CCDC117: variants seen among roughly 807,000 people sequenced by gnomAD.
CCDC117 encodes the protein coiled-coil domain-containing protein 117.
CCDC117 carries 1 observed loss-of-function variant against 23.5 expected under a neutral mutation model. The ratio of observed to expected loss-of-function variants is 0.04; its 90% CI spans 0.02 to 0.20. CCDC117 has a LOEUF of 0.20. Ranked by LOEUF, CCDC117 falls within the 10% of genes least tolerant of loss-of-function variation. The probability of loss-of-function intolerance (pLI) is 1.00; values close to 1 mark genes in which losing one functional copy is unlikely to be tolerated. For synonymous variants in CCDC117, 132 were observed against 124.8 expected, an observed-to-expected ratio of 1.06 and a Z score of -0.39; for missense variants, 383 against 348.2, an observed-to-expected ratio of 1.10 and a Z score of -0.80.
At chr22:28,776,575 C>T (rs2031167408) in intron 2 of CCDC117, among the ~76,000 whole-genome samples, 1 of 149,618 alleles carries the variant, frequency 6.7e-6, no homozygotes, top group African/African-American at 2.5e-5. Context: ...CGCGTGCCAC[C>T]ATGCCCAGCT....
At chr22:28,785,603 T>G (rs2146256435) in intron 4 of CCDC117, among the ~76,000 whole-genome samples, 1 of 152,354 alleles carries the variant, frequency 6.6e-6, no homozygotes, top group Non-Finnish European at 1.5e-5. Context: ...TGCCTACATG[T>G]AATATTAACC....
At chr22:28,785,202 G>GTTTTGTA (rs1159696399) in intron 4 of CCDC117, among the ~76,000 whole-genome samples, 11 of 122,356 alleles carry the variant, frequency 9.0e-5, no homozygotes, top group African/African-American at 3.8e-4. Flanking sequence ...TTTGTTTTGT[G>GTTTTGTA]TTTTGAGACA....
At position 28,781,065 on chromosome 22, in the gene CCDC117, C is replaced by T. The variant is rs375604952; in HGVS notation, c.357C>T (p.Gly119=). The part of the protein sequence containing the change: ...EGHGVNPSVS[G]LSIPGILDVI... ...ATGGAGTAAATCCCAGTGTTAGTGGCCTTTCCATACCTGGGATATTAGATG... is the reference window on the plus strand; with the variant it reads ...ATGGAGTAAATCCCAGTGTTAGTGGTCTTTCCATACCTGGGATATTAGATG... Residue 119 remains glycine (G), a synonymous_variant, in exon 3 of 5, where the codon GGC becomes GGT. Transcript: ENST00000249064. 6.2e-7 allele frequency: 1 copy of T among 1,613,448 alleles called. No individual in the cohort carries two copies. The highest frequency in any genetic ancestry group is 8.5e-7 in the Non-Finnish European group (1 of 1,179,572).
chr22:28,775,884 G>A (rs1350910711), intron 2 of CCDC117, among the ~76,000 whole-genome samples: 1 of 152,048 alleles, frequency 6.6e-6, no homozygotes, highest in Non-Finnish European at 1.5e-5. Context: ...GTGACAAAGT[G>A]AGACTGTCCC....
chr22:28,783,694 A>C (rs761500029), intron 4 of CCDC117, 49 bp downstream of exon 4: 9 of 1,565,604 alleles, frequency 5.7e-6, no homozygotes, highest in Non-Finnish European at 1.8e-6. Flanking sequence ...TGGAGGGAAG[A>C]CCCAATGTCT....
intron 3 of CCDC117, 110 bp from the exon 4 acceptor site, chr22:28,783,398 T>C: frequency 9.6e-7 from 1 of 1,046,956 alleles, no homozygotes. Context: ...TATTGCTGTA[T>C]TACTTACTGC....
At chr22:28,780,028 A>T (rs563623004) in intron 2 of CCDC117, among the ~76,000 whole-genome samples, 200 of 152,298 alleles carry the variant, frequency 1.3e-3, no homozygotes, top group African/African-American at 4.5e-3. Context: ...AGGTACAGGG[A>T]GTTAGTAAAA....
At chr22:28,775,564 A>G (rs938443005) in intron 2 of CCDC117, among the ~76,000 whole-genome samples, 1 of 152,134 alleles carries the variant, frequency 6.6e-6, no homozygotes, top group African/African-American at 2.4e-5. Context: ...TTGCTGCCCA[A>G]CTAATAGATG....
intron 2 of CCDC117, among the ~76,000 whole-genome samples, chr22:28,774,446 C>T (rs934756674): frequency 2.0e-5 from 3 of 149,396 alleles, no homozygotes; most frequent in African/African-American, 7.4e-5. Flanking sequence ...TCACAGCTCA[C>T]TGCAGCCTCA....
chr22:28,773,919 C>T (rs2031079583), intron 2 of CCDC117, 141 bp downstream of exon 2: 1 of 702,806 alleles, frequency 1.4e-6, no homozygotes, highest in Non-Finnish European at 2.5e-6. Flanking sequence ...CATTGGTTGT[C>T]TTTTAGAGAA....
At chr22:28,781,996 T>G (rs1308388002) in intron 3 of CCDC117, among the ~76,000 whole-genome samples, 1 of 147,638 alleles carries the variant, frequency 6.8e-6, no homozygotes, top group East Asian at 2.1e-4. Flanking sequence ...TCACCCAGGT[T>G]GGAGTGCAGT....
chr22:28,783,504 T>A lies in CCDC117; in HGVS notation c.465-4T>A. 3 of 1,611,528 alleles carry A rather than the reference T, an allele frequency of 1.9e-6. No homozygotes were observed. The highest frequency in any genetic ancestry group is 2.5e-6 in the Non-Finnish European group (3 of 1,179,300). On this transcript the variant is annotated splice_polypyrimidine_tract_variant and splice_region_variant and intron_variant, in intron 3 of 4. Transcript: ENST00000249064. The stretch of plus-strand genomic sequence containing the variant: ...TCTTTCTTCTGCTGCCTTAATTGAT[T>A]TAGGATAATTGATGAAGATGAAGAA...
At position 28,777,000 on chromosome 22, in the gene CCDC117, G is replaced by T. The variant is rs142744272; in HGVS notation, c.239+3222G>T. Among the ~76,000 whole-genome samples, 11 of 150,800 alleles carry T rather than the reference G, an allele frequency of 7.3e-5. No homozygotes were observed. In the South Asian group the frequency reaches 2.3e-3, roughly 32 times the overall value. ...CTTCCAAAGTGCTAGGATTACAGGCGTGAGCTACTGTGCCTGGCCAGTATA... is the reference window on the plus strand; with the variant it reads ...CTTCCAAAGTGCTAGGATTACAGGCTTGAGCTACTGTGCCTGGCCAGTATA... On this transcript the variant is annotated intron_variant, in intron 2 of 4. Coordinates refer to ENST00000249064, the MANE Select transcript of CCDC117 (RefSeq NM_173510.4).
chr22:28,785,924 T>TAA (rs35631283), intron 4 of CCDC117, among the ~76,000 whole-genome samples, 165 bp from the exon 5 acceptor site: 2 of 136,038 alleles, frequency 1.5e-5, no homozygotes, highest in Non-Finnish European at 3.2e-5. Context: ...CCCCATCTCT[T>TAA]AAAAAAAAAA....
chr22:28,785,924 TAAAAA>T (rs35631283), intron 4 of CCDC117, among the ~76,000 whole-genome samples, 160 bp from the exon 5 acceptor site: 70 of 136,048 alleles, frequency 5.1e-4, no homozygotes, highest in Admixed American at 2.0e-3. Context: ...CCCCATCTCT[TAAAAA>T]AAAAAAAAAA....
intron 1 of CCDC117, chr22:28,773,443 G>A: frequency 2.2e-6 from 1 of 462,102 alleles, no homozygotes; most frequent in Non-Finnish European, 4.0e-6. Context: ...TAAATAAAGT[G>A]CTTAACACAG....
At position 28,787,471 on chromosome 22, in the gene CCDC117, CAG is replaced by C. The variant is rs949730653; in HGVS notation, c.*1146_*1147del. 6.6e-6 allele frequency: 1 copy of C among 152,104 alleles called. No homozygotes were observed. Among genetic ancestry groups the C allele is most frequent in the Non-Finnish European group, 1.5e-5 (1 of 68,046 alleles). The allele number at this position is 152,104 out of a possible 1,614,324, so 9.4% of individuals were successfully genotyped here. A position where few individuals can be genotyped will look rare whatever the true frequency, so the allele number is the denominator to read the frequency against. The stretch of plus-strand genomic sequence containing the variant: ...TGTTTTTAAATGTTAATATAGAAAA[CAG>C]TGAAGGATTAGCTGAAAATATATGA... On this transcript the variant is annotated 3_prime_UTR_variant, in exon 5 of 5. Transcript: ENST00000249064.
Position 28,781,088 on chromosome 22 carries a change from A to G in CCDC117, c.380A>G (p.Asp127Gly), listed in dbSNP as rs752221796. Residue 127 changes from aspartate to glycine, a missense_variant, in exon 3 of 5, where the codon GAT becomes GGT. Physicochemically the swap from Asp to Gly is moderately conservative, Grantham distance 94 (BLOSUM62 -1). Transcript: ENST00000249064. ...GGCCTTTCCATACCTGGGATATTAG[A>G]TGTTATTTGTGAAGAAATGGATCAG... is the stretch of plus-strand genomic sequence containing the variant. ...VSGLSIPGIL[D>G]VICEEMDQTT... The G allele has an allele frequency of 5.0e-6, 8 of 1,614,004 alleles. No individual in the cohort carries two copies. Among genetic ancestry groups the G allele is most frequent in the South Asian group, 3.3e-5 (3 of 91,072 alleles).
intron 2 of CCDC117, among the ~76,000 whole-genome samples, chr22:28,780,739 A>G (rs1391112485): frequency 1.3e-5 from 2 of 152,196 alleles, no homozygotes; most frequent in Non-Finnish European, 2.9e-5. Flanking sequence ...TTACAGGTGC[A>G]TCTTTATTTG....
Sources: gnomAD v4.1 joint callset for allele counts (sites outside exome capture counted in the v4.1 genomes callset) on GRCh38, gnomAD v4.1.1 for gene constraint, MANE v1.5 for transcripts, NCBI Gene and HGNC (gene_info 2026-07-23, HGNC 2026-07-21) for gene names.